SIPA1L1: variants seen among roughly 807,000 people sequenced by gnomAD.
SIPA1L1 encodes signal induced proliferation associated 1 like 1.
In SIPA1L1, 26 loss-of-function variants were observed where a neutral mutation model predicts 162.7. That is an observed-to-expected ratio of 0.16 (90% CI 0.12 to 0.22). The LOEUF is 0.22. Among genes scored for constraint, SIPA1L1 ranks in the 10% least tolerant of loss-of-function variants. SIPA1L1 has a pLI of 1.00. For synonymous variants in SIPA1L1, 829 were observed against 837.4 expected, an observed-to-expected ratio of 0.99 and a Z score of 0.17; for missense variants, 1,874 against 2,241.0, an observed-to-expected ratio of 0.84 and a Z score of 3.31.
intron 2 of SIPA1L1, among the ~76,000 whole-genome samples, chr14:71,406,497 T>G (rs979820424): frequency 3.3e-5 from 5 of 152,216 alleles, no homozygotes; most frequent in Admixed American, 1.3e-4. Flanking sequence ...CGTGTCTTCA[T>G]GGTTATCAAA....
At chr14:71,702,884 G>C (rs35605510) in intron 15 of SIPA1L1, among the ~76,000 whole-genome samples, 1,960 of 152,298 alleles carry the variant, frequency 0.013, 17 homozygotes, top group South Asian at 0.025. Flanking sequence ...AAGTGGAAAA[G>C]AGATACAATT....
intron 2 of SIPA1L1, among the ~76,000 whole-genome samples, chr14:71,345,640 C>T (rs918479993): frequency 6.8e-6 from 1 of 147,922 alleles, no homozygotes; most frequent in Non-Finnish European, 1.5e-5. Context: ...GTGGCGCGAT[C>T]TTGGCTCACT....
chr14:71,351,243 A>G (rs578000086), intron 2 of SIPA1L1, among the ~76,000 whole-genome samples: 200 of 152,326 alleles, frequency 1.3e-3, no homozygotes, highest in African/African-American at 4.4e-3. Flanking sequence ...TGATTAAGAA[A>G]AAATGCCTAA....
chr14:71,534,663 T>C (rs144897261), intron 4 of SIPA1L1, among the ~76,000 whole-genome samples: 3 of 152,324 alleles, frequency 2.0e-5, no homozygotes, highest in African/African-American at 7.2e-5. Context: ...TGGAAAGCTT[T>C]ACTAAACAGT....
chr14:71,618,777 G>T lies in SIPA1L1; in HGVS notation c.1519G>T (p.Ala507Ser). The stretch of plus-strand genomic sequence containing the variant: ...CTAAGAACACTGGAACTATTTTGGG[G>T]CTGATGAGAATCTTGGTCCAGTGGC... ...YQKEHWNYFGADENLGPVAVS... is the reference protein window; with the variant it reads ...YQKEHWNYFGSDENLGPVAVS... The change falls in exon 6 of 24, where the codon GCT becomes TCT. Residue 507 changes from alanine (A) to serine (S), a missense_variant. Physicochemically the swap from Ala to Ser is moderately conservative, Grantham distance 99 (BLOSUM62 1). Transcript: ENST00000381232. 6.2e-7 allele frequency: 1 copy of T among 1,613,684 alleles called. No homozygotes were observed. The highest frequency in any genetic ancestry group is 8.5e-7 in the Non-Finnish European group (1 of 1,179,784).
At chr14:71,551,116 A>G (rs1056147939) in intron 4 of SIPA1L1, among the ~76,000 whole-genome samples, 2 of 152,268 alleles carry the variant, frequency 1.3e-5, no homozygotes, top group South Asian at 4.2e-4. Context: ...TCATTTAGTC[A>G]TATCATCTTA....
intron 4 of SIPA1L1, among the ~76,000 whole-genome samples, chr14:71,540,517 C>T (rs762391166): frequency 2.6e-5 from 4 of 151,490 alleles, no homozygotes; most frequent in South Asian, 2.1e-4. Context: ...CGCATCTCTA[C>T]GAAAAATAAA....
intron 2 of SIPA1L1, among the ~76,000 whole-genome samples, chr14:71,353,421 T>C (rs1044607492): frequency 2.0e-5 from 3 of 152,118 alleles, no homozygotes; most frequent in African/African-American, 4.8e-5. Context: ...AGGACATGGC[T>C]AGTAATGGAG....
intron 2 of SIPA1L1, among the ~76,000 whole-genome samples, chr14:71,418,571 C>T (rs1024234092): frequency 5.3e-5 from 8 of 152,068 alleles, no homozygotes; most frequent in South Asian, 2.1e-4. Flanking sequence ...GCAGGTCACA[C>T]GGCAGAACTG....
At chr14:71,426,620 G>A (rs2043588768) in intron 2 of SIPA1L1, among the ~76,000 whole-genome samples, 2 of 151,740 alleles carry the variant, frequency 1.3e-5, no homozygotes, top group South Asian at 4.2e-4. Flanking sequence ...CTCCTGAGTA[G>A]CTGGGATTAC....
intron 2 of SIPA1L1, among the ~76,000 whole-genome samples, chr14:71,472,311 C>T (rs2047523543): frequency 6.9e-6 from 1 of 145,504 alleles, no homozygotes; most frequent in Non-Finnish European, 1.5e-5. Context: ...TATTTTTCTA[C>T]AAAAATATGT....
chr14:71,647,829 C>G (rs1029827011), intron 7 of SIPA1L1, among the ~76,000 whole-genome samples: 5 of 152,170 alleles, frequency 3.3e-5, no homozygotes, highest in African/African-American at 1.2e-4. Flanking sequence ...TAGCCACATT[C>G]AGCCATTAGA....
chr14:71,697,209 G>A (rs939331233), intron 13 of SIPA1L1, among the ~76,000 whole-genome samples: 12 of 152,068 alleles, frequency 7.9e-5, no homozygotes, highest in African/African-American at 2.7e-4. Flanking sequence ...GAGACCTGTC[G>A]GGACACTTGG....
At chr14:71,433,474 GC>G (rs2044151523) in intron 2 of SIPA1L1, among the ~76,000 whole-genome samples, 1 of 152,072 alleles carries the variant, frequency 6.6e-6, no homozygotes, top group African/African-American at 2.4e-5. Flanking sequence ...GCGCCACCAC[GC>G]CCAACTAATT....
chr14:71,541,339 A>G (rs1379978808), intron 4 of SIPA1L1, among the ~76,000 whole-genome samples: 1 of 152,214 alleles, frequency 6.6e-6, no homozygotes, highest in African/African-American at 2.4e-5. Flanking sequence ...TGTTTATTAT[A>G]TCTATAACAA....
chr14:71,698,850 A>C, intron 13 of SIPA1L1, 131 bp from the exon 14 acceptor site: 1 of 885,614 alleles, frequency 1.1e-6, no homozygotes. Context: ...GTAGGCTTCC[A>C]GCTGGCTTCA....
At chr14:71,522,920 G>T (rs1381423462) in intron 3 of SIPA1L1, among the ~76,000 whole-genome samples, 1 of 152,012 alleles carries the variant, frequency 6.6e-6, no homozygotes, top group Non-Finnish European at 1.5e-5. Context: ...TGATCCACCC[G>T]CCTTGGCCTC....
chr14:71,523,207 T>C (rs779174685), intron 3 of SIPA1L1, among the ~76,000 whole-genome samples: 2 of 152,134 alleles, frequency 1.3e-5, no homozygotes, highest in Non-Finnish European at 2.9e-5. Flanking sequence ...TTTTCAAACT[T>C]CTCATTTACA....
intron 3 of SIPA1L1, among the ~76,000 whole-genome samples, chr14:71,514,655 A>G (rs2051526047): frequency 6.6e-6 from 1 of 152,034 alleles, no homozygotes; most frequent in Non-Finnish European, 1.5e-5. Flanking sequence ...GTGTCTGACT[A>G]GCTGCCCTCT....
Sources: allele counts gnomAD v4.1 joint callset (sites outside exome capture counted in the v4.1 genomes callset), GRCh38; gene constraint gnomAD v4.1.1; transcripts MANE v1.5; gene names NCBI Gene and HGNC (gene_info 2026-07-23, HGNC 2026-07-21).